Variants in NEMP2 observed in about 807,000 individuals in gnomAD.
The protein encoded by NEMP2 is UPF0571 transmembrane protein.
In NEMP2, 53 loss-of-function variants were observed where a neutral mutation model predicts 54.2. That is an observed-to-expected ratio of 0.98 (90% CI 0.78 to 1.23). The LOEUF (loss-of-function observed/expected upper bound fraction) is 1.23. Among genes scored for constraint, NEMP2 ranks in the 50% most tolerant of loss-of-function variants. NEMP2 has a pLI of 0.00. For synonymous variants in NEMP2, 197 were observed against 190.3 expected, an observed-to-expected ratio of 1.04 and a Z score of -0.29; for missense variants, 455 against 511.3, an observed-to-expected ratio of 0.89 and a Z score of 1.06.
At chr2:190,631,399 A>ACAAACCTTAGACAT in the NEMP2 span, among the ~76,000 whole-genome samples, 2 of 152,354 alleles carry the variant, frequency 1.3e-5, no homozygotes, top group South Asian at 4.1e-4. Context: ...GGTCAAGGAA[A>ACAAACCTTAGACAT]CAAACCTTAG....
rs1201704198 is a variant in NEMP2 at position 190,505,720 on chromosome 2, A to C, written c.*3469T>G. 6.6e-6 allele frequency: 1 copy of C among 152,222 alleles called. No homozygotes were observed. The highest frequency in any genetic ancestry group is 2.4e-5 in the African/African-American group (1 of 41,464). 9.4% of individuals were successfully genotyped at this position (152,222 alleles called of 1,614,324 possible). ...CTAAAGATTTTAACACATCTGAGTA[A>C]AAATATGCCCATCAGAGGGGGTGGG... On this transcript the variant is annotated 3_prime_UTR_variant, in exon 9 of 9. Coordinates refer to ENST00000409150, the MANE Select transcript of NEMP2 (RefSeq NM_001142645.2). This position sits in a 1 kb window ranked among gnomAD's most constrained non-coding sequence, Gnocchi z 5.8.
At chr2:190,465,249 CAATT>C in the NEMP2 span, among the ~76,000 whole-genome samples, 1 of 152,140 alleles carries the variant, frequency 6.6e-6, no homozygotes, top group Admixed American at 6.5e-5. The surrounding 1 kb of genome is among the most constrained non-coding windows in gnomAD (Gnocchi z 4.6). Flanking sequence ...TGCTTCTTAT[CAATT>C]GTGTTCCTCT....
At chr2:190,632,406 A>G in the NEMP2 span, among the ~76,000 whole-genome samples, 4 of 152,240 alleles carry the variant, frequency 2.6e-5, no homozygotes, top group Non-Finnish European at 5.9e-5. The surrounding 1 kb of genome is among the most constrained non-coding windows in gnomAD (Gnocchi z 4.8). Flanking sequence ...GATCCCAAGA[A>G]GCTTCTAACT....
chr2:190,568,753 C>T, the NEMP2 span, among the ~76,000 whole-genome samples: 1 of 152,062 alleles, frequency 6.6e-6, no homozygotes, highest in South Asian at 2.1e-4. This position sits in a 1 kb window ranked among gnomAD's most constrained non-coding sequence, Gnocchi z 4.7. Flanking sequence ...ACCCAGAAGG[C>T]GGAGGTTGCT....
At position 190,509,022 on chromosome 2, in the gene NEMP2, TAA is replaced by T. The variant is rs1219467630; in HGVS notation, c.*165_*166del. The T allele has an allele frequency of 9.5e-7, 1 of 1,050,466 alleles. No individual in the cohort carries two copies. Among genetic ancestry groups the T allele is most frequent in the African/African-American group, 1.6e-5 (1 of 62,094 alleles). 65.1% of individuals were successfully genotyped at this position (1,050,466 alleles called of 1,614,324 possible). ...AAGTAGCAGAAGTCACCAAGAATGC[TAA>T]GTTATCTTCAAAATGGGTTGGTTTC... On this transcript the variant is annotated 3_prime_UTR_variant, in exon 9 of 9. Coordinates refer to ENST00000409150, the MANE Select transcript of NEMP2 (RefSeq NM_001142645.2). This position sits in a 1 kb window ranked among gnomAD's most constrained non-coding sequence, Gnocchi z 6.1.
chr2:190,545,906 C>A, the NEMP2 span, among the ~76,000 whole-genome samples: 2 of 152,128 alleles, frequency 1.3e-5, no homozygotes, highest in South Asian at 4.1e-4. Flanking sequence ...TTATACAGAT[C>A]TTTCACTCCC....
chr2:190,472,189 T>C, the NEMP2 span, among the ~76,000 whole-genome samples: 1 of 152,124 alleles, frequency 6.6e-6, no homozygotes, highest in African/African-American at 2.4e-5. Flanking sequence ...GCACCTCTCC[T>C]CCTCCAAAGA....
the NEMP2 span, among the ~76,000 whole-genome samples, chr2:190,483,264 G>T: frequency 6.6e-6 from 1 of 152,076 alleles, no homozygotes; most frequent in Non-Finnish European, 1.5e-5. Context: ...AAAGTAGATA[G>T]TTACATTTAC....
At chr2:190,635,067 T>C in the NEMP2 span, among the ~76,000 whole-genome samples, 2 of 152,242 alleles carry the variant, frequency 1.3e-5, no homozygotes, top group African/African-American at 2.4e-5. The surrounding 1 kb of genome is among the most constrained non-coding windows in gnomAD (Gnocchi z 4.1). Context: ...TTTTGGTCCA[T>C]AAGCCTTTCT....
chr2:190,480,555 T>C, the NEMP2 span, among the ~76,000 whole-genome samples: 1 of 152,222 alleles, frequency 6.6e-6, no homozygotes, highest in Non-Finnish European at 1.5e-5. Flanking sequence ...AAATCACCCA[T>C]GTATTTTAAT....
the NEMP2 span, among the ~76,000 whole-genome samples, chr2:190,440,060 C>G: frequency 6.6e-6 from 1 of 152,198 alleles, no homozygotes; most frequent in African/African-American, 2.4e-5. Flanking sequence ...AGAAGTAGAT[C>G]TGCCCATGGC....
chr2:190,621,302 T>C, the NEMP2 span, among the ~76,000 whole-genome samples: 1 of 152,250 alleles, frequency 6.6e-6, no homozygotes, highest in Non-Finnish European at 1.5e-5. Context: ...TTGTACAGCA[T>C]GTTACTGCAT....
At chr2:190,585,758 C>G in the NEMP2 span, among the ~76,000 whole-genome samples, 2 of 152,160 alleles carry the variant, frequency 1.3e-5, no homozygotes, top group East Asian at 3.8e-4. The surrounding 1 kb of genome is among the most constrained non-coding windows in gnomAD (Gnocchi z 5.3). Flanking sequence ...CTGCCTTCCT[C>G]GAGATATGGG....
chr2:190,589,425 T>C, the NEMP2 span, among the ~76,000 whole-genome samples: 2 of 152,288 alleles, frequency 1.3e-5, no homozygotes, highest in East Asian at 3.9e-4. This position sits in a 1 kb window ranked among gnomAD's most constrained non-coding sequence, Gnocchi z 4.3. Flanking sequence ...TAAGCTTCAC[T>C]AGTCAAATGT....
the NEMP2 span, chr2:190,625,620 C>T: frequency 3.3e-5 from 5 of 152,110 alleles, no homozygotes; most frequent in African/African-American, 7.2e-5. Flanking sequence ...TAAAAGCAAG[C>T]TATACAGAAA....
At chr2:190,585,945 A>G in the NEMP2 span, among the ~76,000 whole-genome samples, 2 of 152,162 alleles carry the variant, frequency 1.3e-5, no homozygotes, top group African/African-American at 4.8e-5. The surrounding 1 kb of genome is among the most constrained non-coding windows in gnomAD (Gnocchi z 5.3). Flanking sequence ...GGATCATCTT[A>G]TAATCATAGC....
chr2:190,478,909 G>C, the NEMP2 span, among the ~76,000 whole-genome samples: 6 of 152,024 alleles, frequency 3.9e-5, no homozygotes, highest in Non-Finnish European at 5.9e-5. Flanking sequence ...ACGAGAACTA[G>C]TACTGTCTAG....
At chr2:190,619,507 A>T in the NEMP2 span, among the ~76,000 whole-genome samples, 1 of 152,030 alleles carries the variant, frequency 6.6e-6, no homozygotes, top group African/African-American at 2.4e-5. The surrounding 1 kb of genome is among the most constrained non-coding windows in gnomAD (Gnocchi z 5.5). Flanking sequence ...CTCAAAAAAT[A>T]AAAAAATTAA....
At chr2:190,561,128 G>T in the NEMP2 span, among the ~76,000 whole-genome samples, 6 of 152,172 alleles carry the variant, frequency 3.9e-5, no homozygotes, top group Admixed American at 6.5e-5. The surrounding 1 kb of genome is among the most constrained non-coding windows in gnomAD (Gnocchi z 5.4). Context: ...GGGGCTTGAT[G>T]CTGTCTGCTC....
Sources: gnomAD v4.1 joint callset for allele counts (sites outside exome capture counted in the v4.1 genomes callset) on GRCh38, gnomAD v4.1.1 for gene constraint, Gnocchi (gnomAD v3.1) non-coding constraint, MANE v1.5 for transcripts, NCBI Gene and HGNC (gene_info 2026-07-23, HGNC 2026-07-21) for gene names.